The following CCDC192 variants were observed in gnomAD, a reference collection of about 807,000 sequenced individuals.
CCDC192 encodes coiled-coil domain containing 192.
chr5:127,888,001 C>T (rs1454330831), intron 6 of CCDC192, among the ~76,000 whole-genome samples: 1 of 151,988 alleles, frequency 6.6e-6, no homozygotes, highest in Non-Finnish European at 1.5e-5. Flanking sequence ...GCGCGCCCAA[C>T]CTTATTTACT....
chr5:127,921,360 A>T (rs950640357), intron 6 of CCDC192, among the ~76,000 whole-genome samples: 1 of 152,150 alleles, frequency 6.6e-6, no homozygotes, highest in Admixed American at 6.5e-5. Context: ...ACTCCAACCC[A>T]TCCACCTACT....
intron 2 of CCDC192, among the ~76,000 whole-genome samples, chr5:127,728,406 A>G (rs1471529423): frequency 6.6e-6 from 1 of 152,242 alleles, no homozygotes; most frequent in Non-Finnish European, 1.5e-5. Flanking sequence ...ATTCTAAAAG[A>G]AAAGAATTTC....
chr5:127,923,315 T>C (rs1753775495), intron 6 of CCDC192, among the ~76,000 whole-genome samples: 1 of 152,156 alleles, frequency 6.6e-6, no homozygotes, highest in Non-Finnish European at 1.5e-5. Flanking sequence ...TACTCATAGT[T>C]CATTCATACA....
chr5:127,712,458 G>A (rs1401171687), intron 2 of CCDC192, among the ~76,000 whole-genome samples: 3 of 152,190 alleles, frequency 2.0e-5, no homozygotes, highest in Non-Finnish European at 2.9e-5. Context: ...CTCTCACCCT[G>A]TGATATCTGC....
chr5:127,921,162 A>AGGAGAGGAAAGGAAAGG (rs553075781), intron 6 of CCDC192, among the ~76,000 whole-genome samples: 3,962 of 140,946 alleles, frequency 0.028, 196 homozygotes, highest in East Asian at 0.23. Context: ...GAAAGGAGAA[A>AGGAGAGGAAAGGAAAGG]AGAAAAGAAA....
Position 127,719,863 on chromosome 5 carries a change from AC to A in CCDC192, c.114+12105del, listed in dbSNP as rs1751918198. Among the ~76,000 whole-genome samples the A allele has an allele frequency of 2.0e-5, 3 of 149,636 alleles. No individual in the cohort carries two copies. In the South Asian group the frequency reaches 6.3e-4, roughly 32 times the overall value. On this transcript the variant is annotated intron_variant, in intron 2 of 6. Coordinates refer to ENST00000514853, the MANE Select transcript of CCDC192 (RefSeq NM_001317938.2). ...GGAGGTGACACATGCTTTTTAAACCACCAGATCTCATGAGAACTCACTTACT... is the reference window on the plus strand; with the variant it reads ...GGAGGTGACACATGCTTTTTAAACCACAGATCTCATGAGAACTCACTTACT...
chr5:127,777,085 G>T lies in CCDC192; in HGVS notation c.223-20018G>T, dbSNP rs541429080. On this transcript the variant is annotated intron_variant, in intron 3 of 6. Coordinates refer to ENST00000514853, the MANE Select transcript of CCDC192 (RefSeq NM_001317938.2). Reference sequence around the variant, plus strand: ...GCCACTGTCCTCCAGATCCCTGAGTGGTAGATCCACTGACAGCTTACATCC... The same window carrying T: ...GCCACTGTCCTCCAGATCCCTGAGTTGTAGATCCACTGACAGCTTACATCC... Among the ~76,000 whole-genome samples the T allele has an allele frequency of 2.0e-3, 309 of 152,294 alleles. 1 individual carries two copies. Among genetic ancestry groups the T allele is most frequent in the African/African-American group, 6.9e-3 (287 of 41,566 alleles).
chr5:127,704,925 A>G (rs1164268405), intron 1 of CCDC192, among the ~76,000 whole-genome samples: 6 of 152,054 alleles, frequency 3.9e-5, no homozygotes, highest in African/African-American at 1.4e-4. Context: ...TAGTCCTCCA[A>G]TTTGACATGA....
At chr5:127,889,591 G>A (rs1458276386) in intron 6 of CCDC192, among the ~76,000 whole-genome samples, 2 of 152,204 alleles carry the variant, frequency 1.3e-5, no homozygotes, top group East Asian at 3.9e-4. Flanking sequence ...CAGTAGAGAT[G>A]AGGTTTTACC....
chr5:127,726,960 A>G (rs1479021918), intron 2 of CCDC192, among the ~76,000 whole-genome samples: 3 of 152,186 alleles, frequency 2.0e-5, no homozygotes, highest in Non-Finnish European at 2.9e-5. Context: ...ACCCTACAAC[A>G]GTGGTTGCCA....
intron 6 of CCDC192, among the ~76,000 whole-genome samples, chr5:127,878,897 A>C (rs541720494): frequency 3.0e-4 from 45 of 148,904 alleles, no homozygotes; most frequent in African/African-American, 7.2e-4. Flanking sequence ...AGTGGTTTGT[A>C]GTTCTCCTTG....
chr5:127,873,795 C>T (rs989757895), intron 5 of CCDC192, among the ~76,000 whole-genome samples: 4 of 152,202 alleles, frequency 2.6e-5, no homozygotes, highest in African/African-American at 4.8e-5. Context: ...GGTGCTGTCA[C>T]CACAGGCCTG....
chr5:127,811,363 TG>T (rs1758073287), intron 5 of CCDC192, among the ~76,000 whole-genome samples: 1 of 152,086 alleles, frequency 6.6e-6, no homozygotes, highest in Non-Finnish European at 1.5e-5. Flanking sequence ...GCATAGGAGT[TG>T]GGGGTAGTGT....
rs5871279 is a variant in CCDC192, at chr5:127,889,407, C to CT, written c.535+13759dup. Among the ~76,000 whole-genome samples, 223 of 128,884 alleles carry CT rather than the reference C, an allele frequency of 1.7e-3. 1 individual carries two copies. Among genetic ancestry groups the CT allele is most frequent in the African/African-American group, 4.4e-3 (151 of 34,436 alleles). The allele number at this position is 128,884 out of a possible 152,430, so 84.6% of individuals were successfully genotyped here. A position where few individuals can be genotyped will look rare whatever the true frequency, so the allele number is the denominator to read the frequency against. ...TCCTTTTCTTTTCTTTTCTTTCTTTCTTTTTTTTTTTTTGAGACAGAGTCT... is the reference window on the plus strand; with the variant it reads ...TCCTTTTCTTTTCTTTTCTTTCTTTCTTTTTTTTTTTTTTGAGACAGAGTCT... On this transcript the variant is annotated intron_variant, in intron 6 of 6. Transcript: ENST00000514853.
chr5:127,878,268 T>C (rs1015697148), intron 6 of CCDC192, among the ~76,000 whole-genome samples: 8 of 152,174 alleles, frequency 5.3e-5, no homozygotes, highest in African/African-American at 1.7e-4. Context: ...CTAGCTTAGG[T>C]TGGGTACCCA....
At chr5:127,881,256 A>G (rs1371165367) in intron 6 of CCDC192, among the ~76,000 whole-genome samples, 1 of 152,204 alleles carries the variant, frequency 6.6e-6, no homozygotes, top group Non-Finnish European at 1.5e-5. Context: ...CTTTGTTGTA[A>G]CAATTATATG....
chr5:127,894,529 C>T (rs1208630941), intron 6 of CCDC192, among the ~76,000 whole-genome samples: 2 of 152,096 alleles, frequency 1.3e-5, no homozygotes, highest in Non-Finnish European at 2.9e-5. Flanking sequence ...TAAATATAGT[C>T]ATTAGCCATG....
chr5:127,746,311 T>C lies in CCDC192; in HGVS notation c.115-7957T>C, dbSNP rs376172825. Reference sequence around the variant, plus strand: ...GCCTGTTTCATTTGGCTTTGACTTATATTGCTTTTGTCTTATGGAAATGTT... The same window carrying C: ...GCCTGTTTCATTTGGCTTTGACTTACATTGCTTTTGTCTTATGGAAATGTT... On this transcript the variant is annotated intron_variant, in intron 2 of 6. Coordinates refer to ENST00000514853, the MANE Select transcript of CCDC192 (RefSeq NM_001317938.2). 1.8e-4 allele frequency among the ~76,000 whole-genome samples: 28 copies of C among 152,366 alleles called. No homozygotes were observed. In the South Asian group the frequency reaches 1.9e-3, roughly 10 times the overall value.
At chr5:127,784,774 C>T in intron 3 of CCDC192, 1 of 492,744 alleles carries the variant, frequency 2.0e-6, no homozygotes, top group South Asian at 1.7e-5. Flanking sequence ...GTTTCAAAAC[C>T]TTCCTCATCT....
Sources: allele counts gnomAD v4.1 joint callset (sites outside exome capture counted in the v4.1 genomes callset), GRCh38; gene constraint gnomAD v4.1.1; transcripts MANE v1.5; gene names NCBI Gene and HGNC (gene_info 2026-07-23, HGNC 2026-07-21).